Variants in SUSD1 observed in about 807,000 individuals in gnomAD.
SUSD1 encodes sushi domain-containing protein 1.
In SUSD1, 65 loss-of-function variants were observed where a neutral mutation model predicts 86.9. The observed-to-expected ratio is 0.75, with a 90% CI of 0.61 to 0.92. The LOEUF is 0.92. Ranked by LOEUF, SUSD1 falls within the 40% of genes least tolerant of loss-of-function variation. The probability of loss-of-function intolerance (pLI) is 0.00; values close to 1 mark genes in which losing one functional copy is unlikely to be tolerated. For missense variants in SUSD1, 850 were observed against 929.7 expected (o/e 0.91, Z 1.11); for synonymous variants, 346 against 350.0 (o/e 0.99, Z 0.13).
chr9:112,164,294 A>G (rs1328728077), intron 1 of SUSD1, among the ~76,000 whole-genome samples: 3 of 152,222 alleles, frequency 2.0e-5, no homozygotes, highest in African/African-American at 7.2e-5. Flanking sequence ...CTTGAAAGCT[A>G]GTTAGAGCTG....
Position 112,078,641 on chromosome 9 carries a change from G to C in SUSD1, c.1650C>G (p.Pro550=). 2 of 1,613,964 alleles carry C rather than the reference G, an allele frequency of 1.2e-6. No individual in the cohort carries two copies. Among genetic ancestry groups the C allele is most frequent in the Non-Finnish European group, 1.7e-6 (2 of 1,179,948 alleles). ...CCGGACGTAGGTCCAAGCACACCTC[G>C]GGATCTCGGCTGCTGCTACTGATAT... The part of the protein sequence containing the change: ...TFNISSSSRD[P]EVCLDLRPGT... Residue 550 remains proline (P), a synonymous_variant, in exon 12 of 17, where the codon CCC becomes CCG. Transcript: ENST00000374270.
At chr9:112,130,535 G>GAAGGAAAGGAAGGAAAGAAAAGA in intron 5 of SUSD1, among the ~76,000 whole-genome samples, 1 of 148,988 alleles carries the variant, frequency 6.7e-6, no homozygotes, top group East Asian at 2.0e-4. Context: ...GAAAAGAAAG[G>GAAGGAAAGGAAGGAAAGAAAAGA]AAGGAAAGGA....
intron 10 of SUSD1, among the ~76,000 whole-genome samples, chr9:112,096,750 G>T (rs1431325788): frequency 2.0e-5 from 3 of 152,098 alleles, no homozygotes. Context: ...ATGTTGCCCA[G>T]GCTGGTCTCA....
intron 2 of SUSD1, among the ~76,000 whole-genome samples, chr9:112,154,446 G>A (rs1469112959): frequency 6.6e-6 from 1 of 151,970 alleles, no homozygotes; most frequent in African/African-American, 2.4e-5. Flanking sequence ...CTGGGAGGTC[G>A]AGGCTGCAGT....
At chr9:112,063,903 A>G (rs1828846815) in intron 12 of SUSD1, among the ~76,000 whole-genome samples, 1 of 152,194 alleles carries the variant, frequency 6.6e-6, no homozygotes, top group Non-Finnish European at 1.5e-5. Flanking sequence ...TGGGGTTCCT[A>G]CCCATGCAAT....
chr9:112,123,350 T>A (rs79985662), intron 6 of SUSD1, among the ~76,000 whole-genome samples: 1 of 152,088 alleles, frequency 6.6e-6, no homozygotes, highest in African/African-American at 2.4e-5. Context: ...TCAGCTCTCA[T>A]GTGAACTAAG....
rs147084640 is a variant in SUSD1, at chr9:112,062,982, G to C, written c.1805C>G (p.Pro602Arg). Residue 602 changes from proline to arginine, a missense_variant, in exon 13 of 17, where the codon CCA becomes CGA. Physicochemically the swap from Pro to Arg is moderately radical, Grantham distance 103. Coordinates refer to ENST00000374270, the MANE Select transcript of SUSD1 (RefSeq NM_022486.5). The stretch of plus-strand genomic sequence containing the variant: ...CTTGGCTTTCCTCAGTCTGAGGCGT[G>C]GTAGAGGTCCTCTGTGCACCGTAAA... ...EFFTVHRGPLPRLRLRKAKEK... is the reference protein window; with the variant it reads ...EFFTVHRGPLRRLRLRKAKEK... 4.3e-6 allele frequency: 7 copies of C among 1,613,518 alleles called. No homozygotes were observed. The African/African-American group carries it at 9.3e-5, about 22-fold the overall frequency.
rs751051950 is a variant in SUSD1, at chr9:112,078,532, A to T, written c.1753+6T>A. On this transcript the variant is annotated splice_donor_region_variant and intron_variant, in intron 12 of 16. Coordinates refer to ENST00000374270, the MANE Select transcript of SUSD1 (RefSeq NM_022486.5). ...GTTAATCCAAATGCTGTTATTCAAG[A>T]TTTACCTGTTATCTGGGTTGTCAGG... is the stretch of plus-strand genomic sequence containing the variant. 4 of 1,604,398 alleles carry T rather than the reference A, an allele frequency of 2.5e-6. No homozygotes were observed. The highest frequency in any genetic ancestry group is 3.4e-6 in the Non-Finnish European group (4 of 1,172,160).
intron 1 of SUSD1, among the ~76,000 whole-genome samples, chr9:112,168,765 G>A (rs929600523): frequency 6.6e-6 from 1 of 152,046 alleles, no homozygotes; most frequent in Non-Finnish European, 1.5e-5. Context: ...GACTAGCCTG[G>A]CCAAAAATCT....
intron 1 of SUSD1, among the ~76,000 whole-genome samples, chr9:112,166,235 C>T (rs569668323): frequency 5.8e-4 from 88 of 152,350 alleles, no homozygotes; most frequent in African/African-American, 1.9e-3. Context: ...TCTGACCACA[C>T]GGGTCCACTG....
chr9:112,098,590 C>T lies in SUSD1; in HGVS notation c.1354G>A (p.Glu452Lys), dbSNP rs373423817. ...TCCAAACACACTACAGGCACTTGTT[C>T]CCTCGTTGTGAAGTTAAACGATGTT... ...HATSFNFTTR[E>K]QVPVVCLDLY... The change falls in exon 10 of 17, where the codon GAA (glutamate) becomes AAA (lysine). Residue 452 changes from glutamate to lysine, a missense_variant. Physicochemically the swap from Glu to Lys is moderately conservative, Grantham distance 56. Coordinates refer to ENST00000374270, the MANE Select transcript of SUSD1 (RefSeq NM_022486.5). 9.9e-5 allele frequency: 159 copies of T among 1,614,038 alleles called. 1 individual carries two copies. The highest frequency in any genetic ancestry group is 1.3e-4 in the Non-Finnish European group (149 of 1,180,042).
intron 12 of SUSD1, among the ~76,000 whole-genome samples, chr9:112,073,908 G>C (rs909050778): frequency 1.3e-5 from 2 of 151,784 alleles, no homozygotes; most frequent in Non-Finnish European, 2.9e-5. Context: ...CTCAAAAAAA[G>C]AAAGGGAAAG....
chr9:112,135,994 G>A (rs540069676), intron 5 of SUSD1, among the ~76,000 whole-genome samples: 12 of 152,192 alleles, frequency 7.9e-5, no homozygotes, highest in Admixed American at 7.2e-4. Flanking sequence ...CTCATGCATC[G>A]TCCCCACTAT....
chr9:112,135,291 A>G (rs559876165), intron 5 of SUSD1, among the ~76,000 whole-genome samples: 1 of 152,344 alleles, frequency 6.6e-6, no homozygotes, highest in South Asian at 2.1e-4. Context: ...CTTGACTAAC[A>G]ATATATTTTC....
intron 8 of SUSD1, among the ~76,000 whole-genome samples, chr9:112,110,428 G>C (rs1283104968): frequency 6.6e-6 from 1 of 151,996 alleles, no homozygotes; most frequent in Non-Finnish European, 1.5e-5. Context: ...ACAGGGTCTT[G>C]CCCCGTCACC....
intron 5 of SUSD1, among the ~76,000 whole-genome samples, chr9:112,136,732 A>G (rs1832283271): frequency 6.6e-6 from 1 of 152,204 alleles, no homozygotes; most frequent in African/African-American, 2.4e-5. Context: ...GCAGCCGTGT[A>G]ATGAAGCTTA....
intron 12 of SUSD1, among the ~76,000 whole-genome samples, chr9:112,077,105 T>C (rs1829550478): frequency 6.6e-6 from 1 of 152,148 alleles, no homozygotes; most frequent in Non-Finnish European, 1.5e-5. Flanking sequence ...TGCTCATTTT[T>C]TCTTTCTTTT....
intron 12 of SUSD1, among the ~76,000 whole-genome samples, chr9:112,074,393 A>G (rs886451641): frequency 2.0e-5 from 3 of 152,098 alleles, no homozygotes; most frequent in African/African-American, 7.2e-5. Flanking sequence ...ATCAGCCAAG[A>G]GTCAGAAACA....
At chr9:112,110,484 A>ACTCCTGGGTT (rs71496742) in intron 8 of SUSD1, among the ~76,000 whole-genome samples, 20,578 of 151,784 alleles carry the variant, frequency 0.14, 1,533 homozygotes, top group Admixed American at 0.2. Flanking sequence ...GCAGCCTTGA[A>ACTCCTGGGTT]CAAGTGATCC....
Sources: gnomAD v4.1 joint callset for allele counts (sites outside exome capture counted in the v4.1 genomes callset) on GRCh38, gnomAD v4.1.1 for gene constraint, MANE v1.5 for transcripts, NCBI Gene and HGNC (gene_info 2026-07-23, HGNC 2026-07-21) for gene names.